Variants in CUL9 observed in about 807,000 individuals in gnomAD.
CUL9 encodes cullin-9.
In CUL9, 79 loss-of-function variants were observed where a neutral mutation model predicts 272.6. The observed-to-expected ratio is 0.29, with a 90% CI of 0.24 to 0.35. CUL9 has a LOEUF of 0.35. Among genes scored for constraint, CUL9 ranks in the 10% least tolerant of loss-of-function variants. CUL9 has a pLI of 1.00. For missense variants in CUL9, 2,532 were observed against 3,255.6 expected (o/e 0.78, Z 5.41); for synonymous variants, 1,186 against 1,286.5 (o/e 0.92, Z 1.67).
chr6:43,221,599 C>T lies in CUL9; in HGVS notation c.6753-86C>T. 2 of 1,260,518 alleles carry T rather than the reference C, an allele frequency of 1.6e-6. No homozygotes were observed. The highest frequency in any genetic ancestry group is 2.3e-6 in the Non-Finnish European group (2 of 883,404). 78.1% of individuals were successfully genotyped at this position (1,260,518 alleles called of 1,614,324 possible). On this transcript the variant is annotated intron_variant, in intron 34 of 40. Transcript: ENST00000252050. This position sits in a 1 kb window ranked among gnomAD's most constrained non-coding sequence, Gnocchi z 4.2. ...AGGGCAGGAGCAGAGGCCACAGCAT[C>T]AACAGCGGTACATCTGGGCCCTTGG...
chr6:43,193,852 T>C (rs1773746221), intron 9 of CUL9, among the ~76,000 whole-genome samples: 1 of 152,238 alleles, frequency 6.6e-6, no homozygotes, highest in South Asian at 2.1e-4. Context: ...TGAGTGTTCC[T>C]GCCTTTTTAG....
intron 9 of CUL9, among the ~76,000 whole-genome samples, chr6:43,193,855 C>A (rs185434787): frequency 7.9e-5 from 12 of 152,138 alleles, no homozygotes; most frequent in Middle Eastern, 3.4e-3. Context: ...GTGTTCCTGC[C>A]TTTTTAGTTA....
chr6:43,210,666 G>A (rs991993729), intron 26 of CUL9, among the ~76,000 whole-genome samples: 3 of 151,870 alleles, frequency 2.0e-5, no homozygotes, highest in East Asian at 3.8e-4. Context: ...TTTGTTTTTT[G>A]TTCAACCTGA....
rs1283921801 is a variant in CUL9 at position 43,206,993 on chromosome 6, T to C, written c.5212+483T>C. ...CCAAGTAGCTGGGACTACAGGCGTA[T>C]GCCACCACACCCGGCTAATTGTGTA... On this transcript the variant is annotated intron_variant, in intron 26 of 40. Coordinates refer to ENST00000252050, the MANE Select transcript of CUL9 (RefSeq NM_015089.4). This position sits in a 1 kb window ranked among gnomAD's most constrained non-coding sequence, Gnocchi z 4.8. 6.6e-6 allele frequency among the ~76,000 whole-genome samples: 1 copy of C among 152,112 alleles called. No individual in the cohort carries two copies. The highest frequency in any genetic ancestry group is 2.4e-5 in the African/African-American group (1 of 41,436).
At chr6:43,186,854 G>A (rs1200971186) in intron 4 of CUL9, 106 bp from the exon 5 acceptor site, 12 of 1,360,668 alleles carry the variant, frequency 8.8e-6, no homozygotes, top group Non-Finnish European at 1.1e-5. Context: ...ATCTGAGGGT[G>A]CGCCCCAGAT....
Position 43,222,853 on chromosome 6 carries a change from A to G in CUL9, c.7107A>G (p.Thr2369=), listed in dbSNP as rs751308577. The part of the protein sequence containing the change: ...AEYMDVVEQQ[T]ENLELHTNAL... ...ACATGGATGTGGTGGAGCAGCAGACAGAGAACCTGGAGCTGCACACCAATG... is the reference window on the plus strand; with the variant it reads ...ACATGGATGTGGTGGAGCAGCAGACGGAGAACCTGGAGCTGCACACCAATG... Residue 2369 remains threonine (T), a synonymous_variant, in exon 38 of 41, where the codon ACA becomes ACG. Transcript: ENST00000252050. The G allele has an allele frequency of 5.6e-6, 9 of 1,613,870 alleles. No individual in the cohort carries two copies. Among genetic ancestry groups the G allele is most frequent in the Non-Finnish European group, 7.6e-6 (9 of 1,179,940 alleles).
chr6:43,214,053 T>C, intron 29 of CUL9, 141 bp downstream of exon 29: 1 of 795,228 alleles, frequency 1.3e-6, no homozygotes. Flanking sequence ...ACAGAGCAGA[T>C]AGACAGCAGA....
rs761883731 is a variant in CUL9 at position 43,184,747 on chromosome 6, T to C, written c.437T>C (p.Ile146Thr). Residue 146 changes from isoleucine (I) to threonine (T), a missense_variant, in exon 2 of 41, where the codon ATC becomes ACC. Coordinates refer to ENST00000252050, the MANE Select transcript of CUL9 (RefSeq NM_015089.4). The surrounding 1 kb of genome is among the most constrained non-coding windows in gnomAD (Gnocchi z 4.8). ...CTCACGGCCGCTGTGCTTCACACCA[T>C]CCACGTGCTCAGTGCCTACGCCAGC... is the stretch of plus-strand genomic sequence containing the variant. ...PSLTAAVLHT[I>T]HVLSAYASIG... 1 of 1,614,172 alleles carries C rather than the reference T, an allele frequency of 6.2e-7. No homozygotes were observed. Among genetic ancestry groups the C allele is most frequent in the Admixed American group, 1.7e-5 (1 of 60,022 alleles).
rs1393085145 is a variant in CUL9 at position 43,199,674 on chromosome 6, C to G, written c.3157-255C>G. ...TGCATTGGAGAGCAAGGCTCAGGCA[C>G]CAGGGTTAACATAGCTTGGCCTGGG... is the stretch of plus-strand genomic sequence containing the variant. On this transcript the variant is annotated intron_variant, in intron 13 of 40. Transcript: ENST00000252050. The surrounding 1 kb of genome is among the most constrained non-coding windows in gnomAD (Gnocchi z 4.4). Among the ~76,000 whole-genome samples the G allele has an allele frequency of 1.3e-5, 2 of 149,044 alleles. No individual in the cohort carries two copies. Among genetic ancestry groups the G allele is most frequent in the African/African-American group, 2.6e-5 (1 of 38,928 alleles).
In CUL9 at chr6:43,193,007, G is replaced by C. The variant is rs769343225; in HGVS notation, c.2187G>C (p.Lys729Asn). 1.9e-6 allele frequency: 3 copies of C among 1,614,032 alleles called. No homozygotes were observed. Among genetic ancestry groups the C allele is most frequent in the Non-Finnish European group, 2.5e-6 (3 of 1,179,898 alleles). The part of the protein sequence containing the change: ...LVRPDRSLRE[K>N]LVKMLVELLT... The stretch of plus-strand genomic sequence containing the variant: ...ATATCTCTTCTCTTGTCAGAGAGAA[G>C]CTAGTGAAGATGCTGGTGGAGCTGC... Residue 729 changes from lysine (K) to asparagine (N), a missense_variant, in exon 9 of 41, where the codon AAG (lysine) becomes AAC (asparagine). Physicochemically the swap from Lys to Asn is moderately conservative, Grantham distance 94. Transcript: ENST00000252050.
In CUL9 at chr6:43,188,002, A is replaced by G; in HGVS notation, c.1871A>G (p.Glu624Gly). 2 of 1,613,956 alleles carry G rather than the reference A, an allele frequency of 1.2e-6. No individual in the cohort carries two copies. The highest frequency in any genetic ancestry group is 1.7e-6 in the Non-Finnish European group (2 of 1,180,030). The change falls in exon 7 of 41, where the codon GAG becomes GGG. Residue 624 changes from glutamate to glycine, a missense_variant. Around this residue, in one of 3 missense-constraint regions of CUL9, gnomAD observed 2,218 missense variants for 2,788.6 expected, o/e 0.80. Coordinates refer to ENST00000252050, the MANE Select transcript of CUL9 (RefSeq NM_015089.4). ...AKAEAPKTEAEPTKTRTETPM... is the reference protein window; with the variant it reads ...AKAEAPKTEAGPTKTRTETPM... Reference sequence around the variant, plus strand: ...GCCGAGGCCCCTAAGACAGAGGCCGAGCCCACCAAGACAAGGACCGAGACC... The same window carrying G: ...GCCGAGGCCCCTAAGACAGAGGCCGGGCCCACCAAGACAAGGACCGAGACC...
Position 43,202,829 on chromosome 6 carries a change from C to T in CUL9, c.3753+8C>T, listed in dbSNP as rs774015809. The T allele has an allele frequency of 6.2e-7, 1 of 1,612,244 alleles. No individual in the cohort carries two copies. The highest frequency in any genetic ancestry group is 8.5e-7 in the Non-Finnish European group (1 of 1,178,376). On this transcript the variant is annotated splice_region_variant and intron_variant, in intron 17 of 40. Transcript: ENST00000252050. ...GGCACTGAGCTCAACACGGTGGGGA[C>T]CCTTGTGCCCACCTTCACCTTGCTC...
In CUL9 at chr6:43,193,206, G is replaced by A. The variant is rs1307067930; in HGVS notation, c.2386G>A (p.Ala796Thr). 2 of 1,613,830 alleles carry A rather than the reference G, an allele frequency of 1.2e-6. No homozygotes were observed. Among genetic ancestry groups the A allele is most frequent in the Non-Finnish European group, 8.5e-7 (1 of 1,179,896 alleles). Residue 796 changes from alanine (A) to threonine (T), a missense_variant and splice_region_variant, in exon 9 of 41, where the codon GCG becomes ACG. Around this residue, in one of 3 missense-constraint regions of CUL9, gnomAD observed 2,218 missense variants for 2,788.6 expected, o/e 0.80. Transcript: ENST00000252050. ...TGTCTTGGTGCAGCAGGCTGGGCTGGCGGTGAGTACATTGGGCCTGGCGGG... is the reference window on the plus strand; with the variant it reads ...TGTCTTGGTGCAGCAGGCTGGGCTGACGGTGAGTACATTGGGCCTGGCGGG... Reference protein sequence around the residue: ...TSVLVQQAGLAALKMLAVASS... With the variant: ...TSVLVQQAGLTALKMLAVASS...
Position 43,206,217 on chromosome 6 carries a change from G to C in CUL9, c.5004G>C (p.Lys1668Asn), listed in dbSNP as rs1047501730. The C allele has an allele frequency of 3.1e-6, 5 of 1,611,896 alleles. No homozygotes were observed. Among genetic ancestry groups the C allele is most frequent in the Non-Finnish European group, 4.2e-6 (5 of 1,179,080 alleles). Residue 1668 changes from lysine (K) to asparagine (N), a missense_variant, in exon 25 of 41, where the codon AAG becomes AAC. By Grantham distance (94) the Lys-to-Asn change is moderately conservative. Coordinates refer to ENST00000252050, the MANE Select transcript of CUL9 (RefSeq NM_015089.4). This position sits in a 1 kb window ranked among gnomAD's most constrained non-coding sequence, Gnocchi z 4.8. ...LFLEQEDEEE[K>N]RLEEEEEEEE... ...TGGAGCAGGAAGATGAGGAGGAAAAGAGACTAGAGGAAGAGGAGGTAAGAG... is the reference window on the plus strand; with the variant it reads ...TGGAGCAGGAAGATGAGGAGGAAAACAGACTAGAGGAAGAGGAGGTAAGAG...
In CUL9 at chr6:43,206,990, G is replaced by A. The variant is rs909045716; in HGVS notation, c.5212+480G>A. ...CTCCCAAGTAGCTGGGACTACAGGC[G>A]TATGCCACCACACCCGGCTAATTGT... On this transcript the variant is annotated intron_variant, in intron 26 of 40. Coordinates refer to ENST00000252050, the MANE Select transcript of CUL9 (RefSeq NM_015089.4). The surrounding 1 kb of genome is among the most constrained non-coding windows in gnomAD (Gnocchi z 4.8). Among the ~76,000 whole-genome samples, 2 of 152,090 alleles carry A rather than the reference G, an allele frequency of 1.3e-5. No individual in the cohort carries two copies. Among genetic ancestry groups the A allele is most frequent in the Non-Finnish European group, 2.9e-5 (2 of 68,028 alleles).
intron 4 of CUL9, 134 bp from the exon 5 acceptor site, chr6:43,186,826 A>ATAT: frequency 8.8e-7 from 1 of 1,135,666 alleles, no homozygotes; most frequent in Non-Finnish European, 1.2e-6. Flanking sequence ...GGGTTTTTCC[A>ATAT]GGCTTAGCCA....
At position 43,216,403 on chromosome 6, in the gene CUL9, A is replaced by G. The variant is rs111989207; in HGVS notation, c.6182A>G (p.Gln2061Arg). The G allele has an allele frequency of 2.6e-4, 418 of 1,614,090 alleles. 1 individual carries two copies. In the African/African-American group the frequency reaches 4.2e-3, roughly 16 times the overall value. The stretch of plus-strand genomic sequence containing the variant: ...GCTGGGCTGTGCGTACACCAGGCTC[A>G]GGCTGTACCCGTACGGCCTGACCAC... ...LAAGLCVHQAQAVPVRPDHCP... is the reference protein window; with the variant it reads ...LAAGLCVHQARAVPVRPDHCP... The change falls in exon 31 of 41, where the codon CAG (glutamine) becomes CGG (arginine). Residue 2061 changes from glutamine (Q) to arginine (R), a missense_variant. By Grantham distance (43) the Gln-to-Arg change is conservative (BLOSUM62 1). Coordinates refer to ENST00000252050, the MANE Select transcript of CUL9 (RefSeq NM_015089.4).
intron 16 of CUL9, among the ~76,000 whole-genome samples, chr6:43,201,989 G>T (rs1774618843): frequency 6.6e-6 from 1 of 152,220 alleles, no homozygotes; most frequent in Non-Finnish European, 1.5e-5. Context: ...GGAGGTAGAA[G>T]AAGGAGGTGG....
Position 43,221,223 on chromosome 6 carries a change from C to T in CUL9, c.6654C>T (p.Gly2218=). 12 of 1,611,808 alleles carry T rather than the reference C, an allele frequency of 7.4e-6. No individual in the cohort carries two copies. Among genetic ancestry groups the T allele is most frequent in the Non-Finnish European group, 1.0e-5 (12 of 1,179,988 alleles). The change falls in exon 34 of 41, where the codon GGC becomes GGT. Residue 2218 remains glycine (G), a synonymous_variant. Transcript: ENST00000252050. The surrounding 1 kb of genome is among the most constrained non-coding windows in gnomAD (Gnocchi z 4.2). The part of the protein sequence containing the change: ...QWVDDGGYYD[G]MSVEAQSKHL... ...TCGACGACGGTGGCTACTATGACGG[C>T]ATGAGCGTGGAGGCGCAGAGCAAGC...
Sources: allele counts gnomAD v4.1 joint callset (sites outside exome capture counted in the v4.1 genomes callset), GRCh38; gene constraint gnomAD v4.1.1; regional missense constraint gnomAD v4.1.1; non-coding constraint Gnocchi (gnomAD v3.1); transcripts MANE v1.5; gene names NCBI Gene and HGNC (gene_info 2026-07-23, HGNC 2026-07-21).